The following CAPRIN1 variants were observed in gnomAD, a reference collection of about 807,000 sequenced individuals.
The protein encoded by CAPRIN1 is caprin-1.
In CAPRIN1, 29 loss-of-function variants were observed where a neutral mutation model predicts 100.9. The ratio of observed to expected loss-of-function variants is 0.29; its 90% CI spans 0.21 to 0.39. The LOEUF is 0.39. CAPRIN1 is among the 10% of genes least tolerant of loss of function. The pLI is 1.00. For synonymous variants in CAPRIN1, 338 were observed against 307.5 expected, an observed-to-expected ratio of 1.10 and a Z score of -1.04; for missense variants, 795 against 876.7, an observed-to-expected ratio of 0.91 and a Z score of 1.18.
chr11:34,097,846 G>T, intron 18 of CAPRIN1, 85 bp downstream of exon 18: 1 of 1,606,582 alleles, frequency 6.2e-7, no homozygotes, highest in South Asian at 1.1e-5. Context: ...TGCATGTTAG[G>T]AATACATTTA....
chr11:34,065,283 C>A (rs1850666881), intron 2 of CAPRIN1, among the ~76,000 whole-genome samples: 1 of 152,142 alleles, frequency 6.6e-6, no homozygotes, highest in Non-Finnish European at 1.5e-5. Context: ...TTTTTAAGGT[C>A]ACTAATCATA....
rs763927685 is a variant in CAPRIN1, at chr11:34,096,584, A to G, written c.1811A>G (p.Tyr604Cys). 50 of 1,613,938 alleles carry G rather than the reference A, an allele frequency of 3.1e-5. No individual in the cohort carries two copies. The highest frequency in any genetic ancestry group is 4.2e-5 in the Non-Finnish European group (50 of 1,179,992). The change falls in exon 16 of 19, where the codon TAT becomes TGT. Residue 604 changes from tyrosine (Y) to cysteine (C), a missense_variant. Physicochemically the swap from Tyr to Cys is radical, Grantham distance 194. Transcript: ENST00000341394. The part of the protein sequence containing the change: ...NTGFPRSNQP[Y>C]YNSRGVSRGG... The stretch of plus-strand genomic sequence containing the variant: ...GGATTTCCACGTAGCAATCAGCCCT[A>G]TTACAATAGTCGTGGTGTGTCTCGT...
chr11:34,088,776 AT>A (rs1283978555), intron 11 of CAPRIN1, among the ~76,000 whole-genome samples: 1 of 152,170 alleles, frequency 6.6e-6, no homozygotes, highest in Non-Finnish European at 1.5e-5. Context: ...CATGGCACTG[AT>A]TATTTGTTAG....
Position 34,097,722 on chromosome 11 carries a change from C to T in CAPRIN1, c.2026C>T (p.Arg676Ter), listed in dbSNP as rs779269723. 3.7e-6 allele frequency: 6 copies of T among 1,614,012 alleles called. No homozygotes were observed. Among genetic ancestry groups the T allele is most frequent in the South Asian group, 1.1e-5 (1 of 91,086 alleles). ...GGATGGATATCAGCAGAATTTCAAGCGAGGCTCTGGGCAGAGTGGACCACG... is the reference window on the plus strand; with the variant it reads ...GGATGGATATCAGCAGAATTTCAAGTGAGGCTCTGGGCAGAGTGGACCACG... ...QRDGYQQNFK[R>*]GSGQSGPRGA... Residue 676 changes from arginine (R) to a stop codon, truncating the protein, a stop_gained, in exon 18 of 19, where the codon CGA (arginine) becomes TGA (stop). Coordinates refer to ENST00000341394, the MANE Select transcript of CAPRIN1 (RefSeq NM_005898.5). LOFTEE classifies it high-confidence loss of function.
At chr11:34,066,994 A>G (rs1449677348) in intron 2 of CAPRIN1, among the ~76,000 whole-genome samples, 3 of 150,368 alleles carry the variant, frequency 2.0e-5, no homozygotes, top group African/African-American at 4.9e-5. Flanking sequence ...CAGTGACACA[A>G]TCTCGACTCA....
chr11:34,081,341 C>T (rs914780600), intron 7 of CAPRIN1, among the ~76,000 whole-genome samples: 1 of 151,904 alleles, frequency 6.6e-6, no homozygotes, highest in African/African-American at 2.4e-5. Flanking sequence ...GTGGGGACTA[C>T]AGGCGCATCA....
At chr11:34,068,937 A>AT (rs1850754114) in intron 2 of CAPRIN1, among the ~76,000 whole-genome samples, 1 of 152,166 alleles carries the variant, frequency 6.6e-6, no homozygotes, top group African/African-American at 2.4e-5. Context: ...TTCTTGAAAA[A>AT]TGTACAATAC....
chr11:34,063,645 C>T (rs1850627206), intron 2 of CAPRIN1, among the ~76,000 whole-genome samples: 1 of 152,098 alleles, frequency 6.6e-6, no homozygotes, highest in Non-Finnish European at 1.5e-5. Context: ...GGGAAATGGC[C>T]TGATTTTTAT....
At chr11:34,055,857 A>C (rs543241343) in intron 2 of CAPRIN1, 3 of 152,226 alleles carry the variant, frequency 2.0e-5, no homozygotes, top group Non-Finnish European at 4.4e-5. Flanking sequence ...CCTACATGTT[A>C]AGTAGTTAAG....
intron 6 of CAPRIN1, 52 bp downstream of exon 6, chr11:34,076,694 T>G: frequency 8.1e-7 from 1 of 1,233,726 alleles, no homozygotes; most frequent in Non-Finnish European, 1.2e-6. Context: ...CTTTAAAAAC[T>G]AATTTTCTTA....
At chr11:34,067,387 C>T (rs181669690) in intron 2 of CAPRIN1, among the ~76,000 whole-genome samples, 1 of 152,150 alleles carries the variant, frequency 6.6e-6, no homozygotes, top group African/African-American at 2.4e-5. Context: ...ATCAGTTCTT[C>T]ACCTTTTAAA....
rs1851465971 is a variant in CAPRIN1 at position 34,102,372 on chromosome 11, A to C, written c.*3005A>C. Among the ~76,000 whole-genome samples the C allele has an allele frequency of 6.6e-6, 1 of 152,144 alleles. No homozygotes were observed. Among genetic ancestry groups the C allele is most frequent in the African/African-American group, 2.4e-5 (1 of 41,414 alleles). On this transcript the variant is annotated 3_prime_UTR_variant, in exon 19 of 19. Coordinates refer to ENST00000341394, the MANE Select transcript of CAPRIN1 (RefSeq NM_005898.5). ...GTTTAAGCTCCTGAATCTGCATTCC[A>C]CTTGGGTTGTTTTTAAGCATTCTAA...
intron 2 of CAPRIN1, among the ~76,000 whole-genome samples, chr11:34,059,745 G>A (rs1344232625): frequency 6.6e-6 from 1 of 152,122 alleles, no homozygotes; most frequent in Admixed American, 6.5e-5. Context: ...TTAATCCATG[G>A]GGTTAGGGAG....
chr11:34,078,002 T>C (rs1410515655), intron 6 of CAPRIN1, among the ~76,000 whole-genome samples: 3 of 152,334 alleles, frequency 2.0e-5, no homozygotes, highest in Admixed American at 6.5e-5. Flanking sequence ...AAAGGTGTTA[T>C]TAAACCTTTA....
rs1222025150 is a variant in CAPRIN1 at position 34,051,825 on chromosome 11, C to T, written c.-47C>T. ...CCCGGAAGGGACCACCACCCTTGCC[C>T]CCTCAGCTGCCCACTCGTGATTTCC... On this transcript the variant is annotated 5_prime_UTR_variant, in exon 1 of 19. Transcript: ENST00000341394. The T allele has an allele frequency of 2.0e-5, 3 of 152,766 alleles. No homozygotes were observed. The highest frequency in any genetic ancestry group is 4.4e-5 in the Non-Finnish European group (3 of 68,508). 9.5% of individuals were successfully genotyped at this position (152,766 alleles called of 1,614,324 possible). A position where few individuals can be genotyped will look rare whatever the true frequency, so the allele number is the denominator to read the frequency against.
intron 4 of CAPRIN1, among the ~76,000 whole-genome samples, chr11:34,075,760 T>G (rs1459508510): frequency 6.6e-6 from 1 of 152,222 alleles, no homozygotes; most frequent in African/African-American, 2.4e-5. Flanking sequence ...GGCCTAGGCC[T>G]TTACATTTCT....
chr11:34,086,308 T>G lies in CAPRIN1; in HGVS notation c.1126T>G (p.Ser376Ala). 1 of 1,612,120 alleles carries G rather than the reference T, an allele frequency of 6.2e-7. No homozygotes were observed. Among genetic ancestry groups the G allele is most frequent in the Non-Finnish European group, 8.5e-7 (1 of 1,178,398 alleles). ...TCTATCCTAACTTAACCTGTAGGAT[T>G]CAATGCTGGATTTTGAAAATCAGAC... ...MQGPYNFIQD[S>A]MLDFENQTLD... Residue 376 changes from serine (S) to alanine (A), a missense_variant, in exon 11 of 19, where the codon TCA (serine) becomes GCA (alanine). Physicochemically the swap from Ser to Ala is moderately conservative, Grantham distance 99 (BLOSUM62 1). Around this residue, in one of 3 missense-constraint regions of CAPRIN1, gnomAD observed 648 missense variants for 697.9 expected, o/e 0.93. Transcript: ENST00000341394.
intron 2 of CAPRIN1, among the ~76,000 whole-genome samples, chr11:34,057,032 T>C (rs1850465161): frequency 6.6e-6 from 1 of 152,240 alleles, no homozygotes; most frequent in Non-Finnish European, 1.5e-5. Flanking sequence ...GCAGTGTGTC[T>C]GTGCTTAGAA....
intron 2 of CAPRIN1, among the ~76,000 whole-genome samples, chr11:34,062,145 A>G (rs1850593553): frequency 6.6e-6 from 1 of 151,962 alleles, no homozygotes; most frequent in South Asian, 2.1e-4. Context: ...AATTGAGGAA[A>G]CTTTTGCTTA....
Sources: gnomAD v4.1 joint callset for allele counts (sites outside exome capture counted in the v4.1 genomes callset) on GRCh38, gnomAD v4.1.1 for gene constraint, gnomAD v4.1.1 regional missense constraint, MANE v1.5 for transcripts, NCBI Gene and HGNC (gene_info 2026-07-23, HGNC 2026-07-21) for gene names.